Variants in FBXW2 observed in about 807,000 individuals in gnomAD.
The protein encoded by FBXW2 is F-box and WD repeat domain containing 2.
A neutral mutation model predicts 46.0 loss-of-function variants in FBXW2; 12 were observed. The observed-to-expected ratio is 0.26, with a 90% CI of 0.17 to 0.42. The LOEUF is 0.42. Among genes scored for constraint, FBXW2 ranks in the 10% least tolerant of loss-of-function variants. The pLI is 1.00. For missense variants in FBXW2, 360 were observed against 537.0 expected, an observed-to-expected ratio of 0.67 and a Z score of 3.26; for synonymous variants, 203 against 209.6, an observed-to-expected ratio of 0.97 and a Z score of 0.27.
chr9:120,760,320 G>C lies in FBXW2; in HGVS notation c.*4239C>G, dbSNP rs1292653718. 2 of 152,288 alleles carry C rather than the reference G, an allele frequency of 1.3e-5. No homozygotes were observed. Among genetic ancestry groups the C allele is most frequent in the East Asian group, 1.9e-4 (1 of 5,194 alleles). 9.4% of individuals were successfully genotyped at this position (152,288 alleles called of 1,614,324 possible). A position where few individuals can be genotyped will look rare whatever the true frequency, so the allele number is the denominator to read the frequency against. On this transcript the variant is annotated 3_prime_UTR_variant, in exon 8 of 8. Transcript: ENST00000608872. ...TCATACACCAAGGCCCAGAGGAAGA[G>C]GCACAGAAAGCTATAAAAGTGATGC...
At chr9:120,768,141 G>A (rs935808865) in intron 7 of FBXW2, among the ~76,000 whole-genome samples, 3 of 152,064 alleles carry the variant, frequency 2.0e-5, no homozygotes, top group Non-Finnish European at 2.9e-5. Flanking sequence ...GCCTTCGAAC[G>A]GACTAGTGTC....
intron 3 of FBXW2, among the ~76,000 whole-genome samples, chr9:120,781,675 C>CACACACACACACACACACACATACAT (rs761941263): frequency 6.8e-6 from 1 of 146,226 alleles, no homozygotes. Flanking sequence ...CACACACACA[C>CACACACACACACACACACACATACAT]ATACACACAC....
intron 4 of FBXW2, 28 bp downstream of exon 4, chr9:120,778,323 T>C: frequency 2.5e-6 from 4 of 1,598,634 alleles, no homozygotes; most frequent in Non-Finnish European, 3.4e-6. Context: ...GGCTAAGTTG[T>C]AAAAACCCTT....
chr9:120,769,268 T>A (rs1261241417), intron 7 of FBXW2, among the ~76,000 whole-genome samples: 1 of 152,278 alleles, frequency 6.6e-6, no homozygotes, highest in East Asian at 1.9e-4. Flanking sequence ...TCAACAGAGG[T>A]TGGTTTATCT....
intron 6 of FBXW2, among the ~76,000 whole-genome samples, chr9:120,772,293 G>A (rs901309176): frequency 6.6e-6 from 1 of 151,960 alleles, no homozygotes; most frequent in African/African-American, 2.4e-5. Context: ...AGGAGTTCGA[G>A]ACCAGCCTGG....
In FBXW2 at chr9:120,762,857, T is replaced by C. The variant is rs2044217247; in HGVS notation, c.*1702A>G. 3.9e-5 allele frequency: 6 copies of C among 152,232 alleles called. No homozygotes were observed. The highest frequency in any genetic ancestry group is 3.9e-4 in the Admixed American group (6 of 15,286). 9.4% of individuals were successfully genotyped at this position (152,232 alleles called of 1,614,324 possible). ...AACTACCTTCCTATTGGTCTGTGAA[T>C]GAAATACATCCCTCCCCACCACCCT... On this transcript the variant is annotated 3_prime_UTR_variant, in exon 8 of 8. Transcript: ENST00000608872.
Position 120,763,018 on chromosome 9 carries a change from G to T in FBXW2, c.*1541C>A, listed in dbSNP as rs1434792374. 3 of 152,160 alleles carry T rather than the reference G, an allele frequency of 2.0e-5. No individual in the cohort carries two copies. Among genetic ancestry groups the T allele is most frequent in the Non-Finnish European group, 4.4e-5 (3 of 68,040 alleles). The allele number at this position is 152,160 out of a possible 1,614,324, so 9.4% of individuals were successfully genotyped here. On this transcript the variant is annotated 3_prime_UTR_variant, in exon 8 of 8. Coordinates refer to ENST00000608872, the MANE Select transcript of FBXW2 (RefSeq NM_012164.4). ...TTACCTAACTTTAGAGAGGGAGGAG[G>T]ACACAATCTGGCAACCCAGGGACAT...
At chr9:120,766,458 T>A (rs185429973) in intron 7 of FBXW2, among the ~76,000 whole-genome samples, 222 of 152,296 alleles carry the variant, frequency 1.5e-3, no homozygotes, top group African/African-American at 4.4e-3. Flanking sequence ...TTATCTTTTT[T>A]AATTATTTTT....
At chr9:120,783,248 C>T (rs187772202) in intron 3 of FBXW2, among the ~76,000 whole-genome samples, 1 of 152,106 alleles carries the variant, frequency 6.6e-6, no homozygotes, top group Non-Finnish European at 1.5e-5. Flanking sequence ...TCCTGAGAAT[C>T]CTTTAGGAAT....
At chr9:120,774,032 C>CA (rs869308170) in intron 5 of FBXW2, among the ~76,000 whole-genome samples, 9 of 151,710 alleles carry the variant, frequency 5.9e-5, no homozygotes, top group Non-Finnish European at 8.8e-5. Context: ...TCTCCACACA[C>CA]AAAAAATTTT....
chr9:120,775,707 G>C (rs1039239685), intron 5 of FBXW2, among the ~76,000 whole-genome samples: 2 of 152,000 alleles, frequency 1.3e-5, no homozygotes, highest in African/African-American at 4.8e-5. Flanking sequence ...TTGCTTTTCT[G>C]ATTAAGAAAG....
chr9:120,782,632 A>G (rs1454669459), intron 3 of FBXW2, among the ~76,000 whole-genome samples: 5 of 152,176 alleles, frequency 3.3e-5, no homozygotes, highest in African/African-American at 4.8e-5. Context: ...GCTTAAGCCC[A>G]GGAGTTAGAG....
chr9:120,775,070 T>C (rs1294098722), intron 5 of FBXW2, among the ~76,000 whole-genome samples: 3 of 152,202 alleles, frequency 2.0e-5, no homozygotes, highest in Admixed American at 1.3e-4. Context: ...ATACTTTTTT[T>C]TTTTTTTGAA....
At chr9:120,785,832 C>T (rs1469116013) in intron 3 of FBXW2, among the ~76,000 whole-genome samples, 1 of 151,786 alleles carries the variant, frequency 6.6e-6, no homozygotes, top group South Asian at 2.1e-4. Context: ...CCAGCCTGGG[C>T]AACAAGGTGA....
chr9:120,780,174 G>A (rs147750158), intron 3 of FBXW2, among the ~76,000 whole-genome samples: 212 of 151,170 alleles, frequency 1.4e-3, no homozygotes, highest in Non-Finnish European at 2.3e-3. Flanking sequence ...AGCCAACATG[G>A]TGAAACCCTG....
intron 7 of FBXW2, 107 bp from the exon 8 acceptor site, chr9:120,764,954 AT>A: frequency 1.1e-6 from 1 of 914,146 alleles, no homozygotes; most frequent in Non-Finnish European, 1.6e-6. Context: ...ATTCAAGCAA[AT>A]TTAGAGTTAA....
chr9:120,777,761 G>C (rs555621411), intron 4 of FBXW2, among the ~76,000 whole-genome samples: 25 of 133,778 alleles, frequency 1.9e-4, no homozygotes, highest in African/African-American at 6.5e-4. Flanking sequence ...AAATCTCAAG[G>C]CTATATTCAA....
chr9:120,785,172 C>G (rs1351837025), intron 3 of FBXW2, among the ~76,000 whole-genome samples: 1 of 151,864 alleles, frequency 6.6e-6, no homozygotes, highest in Non-Finnish European at 1.5e-5. Flanking sequence ...GCACACCCAG[C>G]TGTTTTTTTA....
chr9:120,766,450 ATC>A (rs1444912372), intron 7 of FBXW2, among the ~76,000 whole-genome samples: 1 of 152,048 alleles, frequency 6.6e-6, no homozygotes, highest in Non-Finnish European at 1.5e-5. Context: ...TTAACATGTT[ATC>A]TTTTTTAATT....
Sources: allele counts gnomAD v4.1 joint callset (sites outside exome capture counted in the v4.1 genomes callset), GRCh38; gene constraint gnomAD v4.1.1; transcripts MANE v1.5; gene names NCBI Gene and HGNC (gene_info 2026-07-23, HGNC 2026-07-21).